SYBU: variants seen among roughly 807,000 people sequenced by gnomAD.
SYBU encodes the protein syntabulin, also known as GOLSYN A protein.
SYBU carries 21 observed loss-of-function variants against 35.9 expected under a neutral mutation model. The ratio of observed to expected loss-of-function variants is 0.58; its 90% CI spans 0.41 to 0.84. The LOEUF (loss-of-function observed/expected upper bound fraction) is 0.84. Ranked by LOEUF, SYBU falls within the 40% of genes least tolerant of loss-of-function variation. SYBU has a pLI of 0.00. For synonymous variants in SYBU, 319 were observed against 324.3 expected (o/e 0.98, Z 0.18); for missense variants, 768 against 848.2 (o/e 0.91, Z 1.17).
chr8:109,595,416 T>C (rs1477757677), intron 3 of SYBU, among the ~76,000 whole-genome samples: 2 of 152,206 alleles, frequency 1.3e-5, no homozygotes, highest in Non-Finnish European at 1.5e-5. Flanking sequence ...ACCCTTCTTA[T>C]AGGGTCTGTG....
Position 109,575,220 on chromosome 8 carries a change from G to C in SYBU, c.1678C>G (p.Pro560Ala). 2 of 1,614,168 alleles carry C rather than the reference G, an allele frequency of 1.2e-6. No individual in the cohort carries two copies. Among genetic ancestry groups the C allele is most frequent in the Non-Finnish European group, 1.7e-6 (2 of 1,180,022 alleles). ...SAILLSPVETPYANVDAEVHA... is the reference protein window; with the variant it reads ...SAILLSPVETAYANVDAEVHA... ...ACTTCTGCATCCACATTGGCGTAGGGGGTCTCCACGGGAGACAAAAGGATG... is the reference window on the plus strand; with the variant it reads ...ACTTCTGCATCCACATTGGCGTAGGCGGTCTCCACGGGAGACAAAAGGATG... Residue 560 changes from proline to alanine, a missense_variant, in exon 7 of 7, where the codon CCC (proline) becomes GCC (alanine). Pro to Ala is a conservative substitution (Grantham distance 27). Coordinates refer to ENST00000276646, the MANE Select transcript of SYBU (RefSeq NM_001099754.2).
intron 2 of SYBU, among the ~76,000 whole-genome samples, chr8:109,621,353 A>G (rs1332124308): frequency 6.6e-6 from 1 of 152,224 alleles, no homozygotes; most frequent in African/African-American, 2.4e-5. Context: ...AAGAGGCAGT[A>G]GCAATTTTTA....
chr8:109,655,880 C>A (rs188687372), intron 1 of SYBU, among the ~76,000 whole-genome samples: 1 of 151,878 alleles, frequency 6.6e-6, no homozygotes, highest in Admixed American at 6.6e-5. Context: ...TTTGGGAGGC[C>A]GAGGTGGGCA....
rs1018541144 is a variant in SYBU at position 109,671,291 on chromosome 8, AT to A, written c.-129+9419del. ...GTTTTCTTAAAAAGAGAGGAAGGCT[AT>A]TTGAGTGCATATTTCATAAGCTTCT... On this transcript the variant is annotated intron_variant, in intron 1 of 5. Transcript: ENST00000408889. 4.0e-3 allele frequency among the ~76,000 whole-genome samples: 609 copies of A among 152,216 alleles called. 7 individuals are homozygous for A. Among genetic ancestry groups the A allele is most frequent in the African/African-American group, 0.014 (592 of 41,522 alleles).
At chr8:109,656,235 G>A (rs1041084085) in intron 1 of SYBU, among the ~76,000 whole-genome samples, 1 of 152,186 alleles carries the variant, frequency 6.6e-6, no homozygotes, top group African/African-American at 2.4e-5. Flanking sequence ...TATACTTTGA[G>A]AGTAGCCAAT....
intron 3 of SYBU, among the ~76,000 whole-genome samples, chr8:109,617,152 A>C (rs899660419): frequency 6.6e-6 from 1 of 152,188 alleles, no homozygotes; most frequent in African/African-American, 2.4e-5. Context: ...AAATACAATA[A>C]AATAAAAACG....
Position 109,691,412 on chromosome 8 carries a change from G to C in SYBU, c.-137C>G. Reference sequence around the variant, plus strand: ...CGCCCGGGAGACCGGGCCCCGGCTGGGCCGGGTGCCGGTGCGGACGGGACC... The same window carrying C: ...CGCCCGGGAGACCGGGCCCCGGCTGCGCCGGGTGCCGGTGCGGACGGGACC... On this transcript the variant is annotated 5_prime_UTR_variant, in exon 1 of 8. Transcript: ENST00000422135. The surrounding 1 kb of genome is among the most constrained non-coding windows in gnomAD (Gnocchi z 4.7). 1.5e-6 allele frequency: 1 copy of C among 686,898 alleles called. No individual in the cohort carries two copies. The highest frequency in any genetic ancestry group is 1.5e-5 in the South Asian group (1 of 65,962). 42.6% of individuals were successfully genotyped at this position (686,898 alleles called of 1,614,324 possible).
intron 3 of SYBU, among the ~76,000 whole-genome samples, chr8:109,611,003 G>A (rs930257523): frequency 6.6e-6 from 1 of 152,190 alleles, no homozygotes; most frequent in Non-Finnish European, 1.5e-5. Flanking sequence ...AATTAGGGAG[G>A]TGGGGAAAGC....
At chr8:109,601,682 G>T (rs1825541375) in intron 3 of SYBU, among the ~76,000 whole-genome samples, 1 of 152,056 alleles carries the variant, frequency 6.6e-6, no homozygotes, top group African/African-American at 2.4e-5. Context: ...TAGTGTTGGG[G>T]GCATGGACAG....
intron 4 of SYBU, among the ~76,000 whole-genome samples, chr8:109,581,811 A>G (rs772387236): frequency 7.2e-5 from 11 of 152,244 alleles, no homozygotes; most frequent in Non-Finnish European, 1.6e-4. Flanking sequence ...AACCTTGCAA[A>G]TCAGACATAA....
upstream of SYBU, among the ~76,000 whole-genome samples, chr8:109,683,091 C>G (rs142268263): frequency 2.4e-3 from 373 of 152,310 alleles, no homozygotes; most frequent in Non-Finnish European, 4.4e-3. Context: ...CATGGAAAAC[C>G]TCTGTTAGGG....
intron 3 of SYBU, among the ~76,000 whole-genome samples, chr8:109,608,476 T>G (rs538460992): frequency 2.6e-5 from 4 of 152,138 alleles, no homozygotes; most frequent in Non-Finnish European, 5.9e-5. Context: ...TAAATATGCA[T>G]GACAATTCAC....
At chr8:109,683,793 T>A (rs1817458447), upstream of SYBU, among the ~76,000 whole-genome samples, 1 of 152,166 alleles carries the variant, frequency 6.6e-6, no homozygotes, top group South Asian at 2.1e-4. Context: ...GGGAGGTAAT[T>A]GAATCATGGG....
intron 1 of SYBU, among the ~76,000 whole-genome samples, chr8:109,672,620 C>T (rs953042329): frequency 3.3e-5 from 5 of 152,166 alleles, no homozygotes; most frequent in South Asian, 2.1e-4. Flanking sequence ...GGGGAGACAG[C>T]GAGCTAGCTG....
chr8:109,609,450 C>T (rs1409069901), intron 3 of SYBU, among the ~76,000 whole-genome samples: 3 of 152,164 alleles, frequency 2.0e-5, no homozygotes, highest in African/African-American at 7.2e-5. Flanking sequence ...GTAGCAATCA[C>T]AAAAACCTAT....
At chr8:109,582,827 G>A (rs1823197188) in intron 4 of SYBU, among the ~76,000 whole-genome samples, 1 of 152,148 alleles carries the variant, frequency 6.6e-6, no homozygotes, top group African/African-American at 2.4e-5. Flanking sequence ...TTTAACTGGT[G>A]TCCTTATACA....
At chr8:109,607,658 G>T (rs1338069710) in intron 3 of SYBU, among the ~76,000 whole-genome samples, 1 of 152,102 alleles carries the variant, frequency 6.6e-6, no homozygotes, top group African/African-American at 2.4e-5. Context: ...ACTTACAATT[G>T]CACAAATAGA....
intron 3 of SYBU, among the ~76,000 whole-genome samples, chr8:109,596,339 A>G (rs1486810409): frequency 6.6e-6 from 1 of 152,166 alleles, no homozygotes; most frequent in East Asian, 1.9e-4. Context: ...TAATTTATTT[A>G]TTTACTGACT....
chr8:109,645,320 G>T (rs766069722), upstream of SYBU: 19 of 456,576 alleles, frequency 4.2e-5, no homozygotes, highest in Non-Finnish European at 8.4e-5. Flanking sequence ...CGTCAGGACC[G>T]ACACAGCCTC....
Sources: gnomAD v4.1 joint callset for allele counts (sites outside exome capture counted in the v4.1 genomes callset) on GRCh38, gnomAD v4.1.1 for gene constraint, Gnocchi (gnomAD v3.1) non-coding constraint, MANE v1.5 for transcripts, NCBI Gene and HGNC (gene_info 2026-07-23, HGNC 2026-07-21) for gene names.